The following CDC42BPA variants were observed in gnomAD, a reference collection of about 807,000 sequenced individuals.
CDC42BPA encodes serine/threonine-protein kinase MRCK alpha.
In CDC42BPA, 80 loss-of-function variants were observed where a neutral mutation model predicts 223.5. The ratio of observed to expected loss-of-function variants is 0.36; its 90% CI spans 0.30 to 0.43. CDC42BPA has a LOEUF of 0.43. Among genes scored for constraint, CDC42BPA ranks in the 20% least tolerant of loss-of-function variants. The probability of loss-of-function intolerance (pLI) is 1.00; values close to 1 mark genes in which losing one functional copy is unlikely to be tolerated. For missense variants in CDC42BPA, 1,743 were observed against 2,099.9 expected (o/e 0.83, Z 3.32); for synonymous variants, 694 against 718.6 (o/e 0.97, Z 0.55).
At chr1:227,198,361 G>C (rs57895961) in intron 4 of CDC42BPA, among the ~76,000 whole-genome samples, 4,521 of 150,570 alleles carry the variant, frequency 0.03, 203 homozygotes, top group African/African-American at 0.1. Context: ...AAGAGGCTGA[G>C]GTGGGAGGGC....
chr1:227,006,496 T>C (rs563532393), intron 34 of CDC42BPA, among the ~76,000 whole-genome samples: 7 of 152,338 alleles, frequency 4.6e-5, no homozygotes, highest in African/African-American at 1.7e-4. Context: ...CTCCTGGGGC[T>C]TGTCTGAGGA....
At chr1:227,273,933 TGGGAGGTGGTGGTGGG>T (rs1291788127) in intron 1 of CDC42BPA, among the ~76,000 whole-genome samples, 1 of 127,552 alleles carries the variant, frequency 7.8e-6, no homozygotes, top group African/African-American at 2.8e-5. Context: ...GGTTTGGGAT[TGGGAGGTGGTGGTGGG>T]GGGAGGTGTT....
Position 227,035,496 on chromosome 1 carries a change from C to A in CDC42BPA, c.3311G>T (p.Gly1104Val). 6.2e-7 allele frequency: 1 copy of A among 1,610,862 alleles called. No homozygotes were observed. The highest frequency in any genetic ancestry group is 8.5e-7 in the Non-Finnish European group (1 of 1,178,966). ...PLGIDPQKGI[G>V]TAYEGHVRIP... The stretch of plus-strand genomic sequence containing the variant: ...CCTGACATGACCTTCATATGCTGTT[C>A]CTATTCCTTTCTGAGGATCTATACC... Residue 1104 changes from glycine to valine, a missense_variant, in exon 25 of 37, where the codon GGA (glycine) becomes GTA (valine). Physicochemically the swap from Gly to Val is moderately radical, Grantham distance 109 (BLOSUM62 -3). Around this residue, in one of 6 missense-constraint regions of CDC42BPA, gnomAD observed 678 missense variants for 777.5 expected, o/e 0.87. Coordinates refer to ENST00000366766, the MANE Select transcript of CDC42BPA (RefSeq NM_001394014.1).
Position 227,270,187 on chromosome 1 carries a change from G to C in CDC42BPA, c.179-16032C>G, listed in dbSNP as rs59801777. On this transcript the variant is annotated intron_variant, in intron 1 of 36. Transcript: ENST00000366766. ...TGCATACTGTTAAATGAAAAAAGCA[G>C]TCACATAAACAATGTTAATTATGCT... 6.3e-3 allele frequency among the ~76,000 whole-genome samples: 961 copies of C among 152,218 alleles called. 14 individuals are homozygous for C. Among genetic ancestry groups the C allele is most frequent in the African/African-American group, 0.022 (914 of 41,548 alleles).
chr1:227,306,077 A>C (rs994111146), intron 1 of CDC42BPA, among the ~76,000 whole-genome samples: 2 of 151,744 alleles, frequency 1.3e-5, no homozygotes, highest in African/African-American at 2.4e-5. Flanking sequence ...GAAAGCTTTC[A>C]GTAGTCACTG....
At chr1:227,155,593 T>C (rs1013251032) in intron 6 of CDC42BPA, among the ~76,000 whole-genome samples, 1 of 152,176 alleles carries the variant, frequency 6.6e-6, no homozygotes, top group Middle Eastern at 3.4e-3. Flanking sequence ...AATATCTCCA[T>C]GGGAAAAAAA....
rs756029111 is a variant in CDC42BPA at position 227,069,871 on chromosome 1, C to CT, written c.2828-19dup. On this transcript the variant is annotated intron_variant, in intron 20 of 36. Coordinates refer to ENST00000366766, the MANE Select transcript of CDC42BPA (RefSeq NM_001394014.1). ...CTCTATACCTAGAAGACAGCAGCAA[C>CT]TTTTTTTAAGGCTACAACAATTAAA... is the stretch of plus-strand genomic sequence containing the variant. The CT allele has an allele frequency of 5.0e-6, 8 of 1,585,424 alleles. No individual in the cohort carries two copies. Among genetic ancestry groups the CT allele is most frequent in the South Asian group, 3.4e-5 (3 of 89,530 alleles).
intron 10 of CDC42BPA, among the ~76,000 whole-genome samples, chr1:227,129,694 A>AAAAAAAAAAAAC: frequency 1.1e-5 from 1 of 88,386 alleles, no homozygotes; most frequent in Non-Finnish European, 2.4e-5. Flanking sequence ...AAAAAAAAAA[A>AAAAAAAAAAAAC]TCCACTGCAT....
At chr1:227,090,852 A>G (rs1358710243) in intron 16 of CDC42BPA, among the ~76,000 whole-genome samples, 1 of 152,204 alleles carries the variant, frequency 6.6e-6, no homozygotes, top group Non-Finnish European at 1.5e-5. Context: ...TAGGATTTTT[A>G]CAACTGCTTG....
chr1:227,268,730 G>T (rs1685487573), intron 1 of CDC42BPA, among the ~76,000 whole-genome samples: 1 of 148,624 alleles, frequency 6.7e-6, no homozygotes. Context: ...CTGTCATTCA[G>T]GCTGGAGTGT....
chr1:227,138,524 CA>C (rs61617075), intron 10 of CDC42BPA, among the ~76,000 whole-genome samples: 33 of 96,158 alleles, frequency 3.4e-4, no homozygotes, highest in East Asian at 8.3e-4. Context: ...CCCCAGAAGC[CA>C]AAAAAAAAAA....
At chr1:227,294,049 A>G (rs1410567253) in intron 1 of CDC42BPA, among the ~76,000 whole-genome samples, 8 of 152,032 alleles carry the variant, frequency 5.3e-5, no homozygotes, top group Non-Finnish European at 7.4e-5. Context: ...AGGCGGGTGG[A>G]TCACAAGGTC....
At chr1:227,117,033 T>C (rs945915065) in intron 12 of CDC42BPA, among the ~76,000 whole-genome samples, 2 of 152,196 alleles carry the variant, frequency 1.3e-5, no homozygotes, top group Non-Finnish European at 2.9e-5. Flanking sequence ...TTCTTTCCTC[T>C]ATATAAGCAC....
At chr1:227,138,773 T>C (rs1364220788) in intron 10 of CDC42BPA, among the ~76,000 whole-genome samples, 2 of 152,192 alleles carry the variant, frequency 1.3e-5, no homozygotes, top group African/African-American at 4.8e-5. Context: ...AGATACAAAG[T>C]TGTATTCAAA....
intron 14 of CDC42BPA, among the ~76,000 whole-genome samples, chr1:227,109,024 TA>T (rs1405708929): frequency 1.3e-5 from 2 of 151,900 alleles, no homozygotes; most frequent in African/African-American, 4.8e-5. Flanking sequence ...ATATAAAAGA[TA>T]AAAAAGGTAT....
chr1:227,203,583 T>C (rs548993861), intron 3 of CDC42BPA, among the ~76,000 whole-genome samples: 1 of 151,850 alleles, frequency 6.6e-6, no homozygotes, highest in African/African-American at 2.4e-5. Flanking sequence ...AAACAATATC[T>C]CCCCCCTTTA....
intron 30 of CDC42BPA, among the ~76,000 whole-genome samples, chr1:227,026,713 AAGTC>A (rs1374213469): frequency 6.6e-6 from 1 of 152,244 alleles, no homozygotes; most frequent in Admixed American, 6.5e-5. Flanking sequence ...CTACACAAAA[AAGTC>A]AGACATTCCA....
intron 32 of CDC42BPA, among the ~76,000 whole-genome samples, chr1:227,021,151 T>G (rs1667297368): frequency 1.3e-5 from 2 of 151,894 alleles, no homozygotes; most frequent in Non-Finnish European, 2.9e-5. Flanking sequence ...AGAATAACAG[T>G]GAAAAAGTTT....
intron 21 of CDC42BPA, among the ~76,000 whole-genome samples, chr1:227,054,402 T>A (rs1674157383): frequency 6.6e-6 from 1 of 152,162 alleles, no homozygotes; most frequent in Non-Finnish European, 1.5e-5. Context: ...CTTTCTCGCA[T>A]TAAAATTAGA....
Sources: gnomAD v4.1 joint callset for allele counts (sites outside exome capture counted in the v4.1 genomes callset) on GRCh38, gnomAD v4.1.1 for gene constraint, gnomAD v4.1.1 regional missense constraint, MANE v1.5 for transcripts, NCBI Gene and HGNC (gene_info 2026-07-23, HGNC 2026-07-21) for gene names.